The following MRPL47 variants were observed in gnomAD, a reference collection of about 807,000 sequenced individuals.
MRPL47 encodes large ribosomal subunit protein uL29m.
In MRPL47, 31 loss-of-function variants were observed where a neutral mutation model predicts 34.0. The observed-to-expected ratio is 0.91, with a 90% CI of 0.68 to 1.23. The LOEUF (loss-of-function observed/expected upper bound fraction) is 1.23, where lower values mean the gene tolerates loss of function less well. MRPL47 is among the 50% of genes most tolerant of loss of function. The pLI, the probability that MRPL47 is intolerant of heterozygous loss-of-function variation, is 0.00. For missense variants in MRPL47, 328 were observed against 285.8 expected, an observed-to-expected ratio of 1.15 and a Z score of -1.07; for synonymous variants, 106 against 101.6, an observed-to-expected ratio of 1.04 and a Z score of -0.26.
rs1426805545 is a variant in MRPL47, at chr3:179,601,313, TG to T, written c.305+416del. ...GTCCCAGATACTCAGGAGGCTGAGG[TG>T]GGGGATCACTTGAGCCCAGGAGGTC... is the stretch of plus-strand genomic sequence containing the variant. On this transcript the variant is annotated intron_variant, in intron 3 of 6. Coordinates refer to ENST00000476781, the MANE Select transcript of MRPL47 (RefSeq NM_020409.3). 3.3e-5 allele frequency among the ~76,000 whole-genome samples: 5 copies of T among 151,980 alleles called. No homozygotes were observed. In the East Asian group the frequency reaches 9.7e-4, roughly 29 times the overall value.
chr3:179,596,399 G>C (rs1560018939), intron 4 of MRPL47, among the ~76,000 whole-genome samples: 1 of 152,148 alleles, frequency 6.6e-6, no homozygotes. Context: ...GGAAACACCA[G>C]ATGTATATGA....
At chr3:179,598,516 A>G (rs1718848572) in intron 4 of MRPL47, among the ~76,000 whole-genome samples, 159 bp downstream of exon 4, 1 of 152,064 alleles carries the variant, frequency 6.6e-6, no homozygotes, top group South Asian at 2.1e-4. Flanking sequence ...GGCGATGGAA[A>G]TGTTTCCAAA....
At position 179,598,577 on chromosome 3, in the gene MRPL47, G is replaced by GA. The variant is rs139936789; in HGVS notation, c.402+97dup. On this transcript the variant is annotated intron_variant, in intron 4 of 6. Coordinates refer to ENST00000476781, the MANE Select transcript of MRPL47 (RefSeq NM_020409.3). ...AATTTACTAAAAATCAAACGAATAA[G>GA]AAAAAAAAATCTATTTGACAAGAAA... The GA allele has an allele frequency of 3.5e-3, 2,849 of 803,136 alleles. 8 individuals carry two copies. Among genetic ancestry groups the GA allele is most frequent in the Non-Finnish European group, 4.8e-3 (2,260 of 472,454 alleles). The allele number at this position is 803,136 out of a possible 1,614,324, so 49.8% of individuals were successfully genotyped here.
At chr3:179,598,869 C>A in intron 3 of MRPL47, 98 bp from the exon 4 acceptor site, 1 of 842,978 alleles carries the variant, frequency 1.2e-6, no homozygotes, top group South Asian at 1.4e-5. Flanking sequence ...ACTTGAAAGT[C>A]ACTTAGAGGC....
intron 4 of MRPL47, among the ~76,000 whole-genome samples, chr3:179,598,397 GAC>G (rs11455585): frequency 5.8e-4 from 60 of 102,884 alleles, no homozygotes; most frequent in Non-Finnish European, 6.3e-4. Context: ...CTGACACACT[GAC>G]ACACACACAC....
At chr3:179,599,078 A>G (rs1485894354) in intron 3 of MRPL47, among the ~76,000 whole-genome samples, 1 of 151,990 alleles carries the variant, frequency 6.6e-6, no homozygotes, top group African/African-American at 2.4e-5. Context: ...CTAAGGCAGG[A>G]GGATTGCTTG....
At chr3:179,600,107 C>T (rs1429002288) in intron 3 of MRPL47, among the ~76,000 whole-genome samples, 4 of 149,338 alleles carry the variant, frequency 2.7e-5, no homozygotes, top group Non-Finnish European at 5.9e-5. Flanking sequence ...GGCGACAAAG[C>T]GAGACTTTGT....
chr3:179,604,429 G>A, intron 1 of MRPL47, 98 bp downstream of exon 1: 4 of 1,218,288 alleles, frequency 3.3e-6, no homozygotes, highest in Non-Finnish European at 4.7e-6. Context: ...CCAGGCGGCC[G>A]TTCCATTCTT....
intron 4 of MRPL47, among the ~76,000 whole-genome samples, chr3:179,598,426 AAAC>A (rs1407912394): frequency 3.5e-5 from 5 of 142,332 alleles, no homozygotes; most frequent in Non-Finnish European, 7.5e-5. Flanking sequence ...ACACACACAC[AAAC>A]AAAAAAAAAA....
At chr3:179,603,478 T>C (rs1689307928) in intron 1 of MRPL47, among the ~76,000 whole-genome samples, 1 of 152,018 alleles carries the variant, frequency 6.6e-6, no homozygotes, top group South Asian at 2.1e-4. Context: ...GGCAGAGGTT[T>C]CAGTGAGCTG....
intron 3 of MRPL47, among the ~76,000 whole-genome samples, chr3:179,599,951 C>A (rs1718887791): frequency 6.6e-6 from 1 of 151,812 alleles, no homozygotes. Context: ...CATGGTGAAA[C>A]CCCGTCTCTA....
At chr3:179,599,422 C>T (rs1718875821) in intron 3 of MRPL47, among the ~76,000 whole-genome samples, 1 of 152,170 alleles carries the variant, frequency 6.6e-6, no homozygotes, top group Non-Finnish European at 1.5e-5. Context: ...ATGTGTTAAA[C>T]ATTTTATATA....
intron 6 of MRPL47, among the ~76,000 whole-genome samples, chr3:179,591,930 T>C (rs1718682763): frequency 6.6e-6 from 1 of 152,008 alleles, no homozygotes; most frequent in African/African-American, 2.4e-5. Flanking sequence ...CCTCCCAGGT[T>C]CCATCAATTC....
intron 6 of MRPL47, among the ~76,000 whole-genome samples, chr3:179,590,697 A>T (rs771878659): frequency 2.5e-4 from 32 of 128,076 alleles, no homozygotes; most frequent in Non-Finnish European, 4.4e-4. Context: ...TGATGTGATT[A>T]AAAAAAAAAA....
At chr3:179,591,419 G>C (rs1449373031) in intron 6 of MRPL47, among the ~76,000 whole-genome samples, 1 of 152,010 alleles carries the variant, frequency 6.6e-6, no homozygotes, top group African/African-American at 2.4e-5. Flanking sequence ...TCTCCTTTTG[G>C]ATATGGCCCA....
chr3:179,594,685 T>C (rs1162796846), intron 4 of MRPL47, among the ~76,000 whole-genome samples: 1 of 152,106 alleles, frequency 6.6e-6, no homozygotes, highest in Non-Finnish European at 1.5e-5. Flanking sequence ...GGTTTCACCA[T>C]GTTGGCCAGG....
At position 179,589,272 on chromosome 3, in the gene MRPL47, CAT is replaced by C. The variant is rs10576731; in HGVS notation, c.630-279_630-278del. Among the ~76,000 whole-genome samples the C allele has an allele frequency of 8.8e-3, 1,344 of 152,270 alleles. 26 individuals are homozygous for C. Among genetic ancestry groups the C allele is most frequent in the African/African-American group, 0.03 (1,262 of 41,544 alleles). ...CAAATTGGGCCTTAAGTTCAATCCT[CAT>C]ATGACTAAGCATCATCTCTTAGCAG... On this transcript the variant is annotated intron_variant, in intron 6 of 6. Transcript: ENST00000476781.
intron 2 of MRPL47, among the ~76,000 whole-genome samples, chr3:179,602,305 C>T (rs762118665): frequency 5.4e-4 from 82 of 152,290 alleles, no homozygotes; most frequent in Non-Finnish European, 8.8e-4. Context: ...GATTGTGCCA[C>T]TGCACCCCAG....
At chr3:179,600,399 G>A (rs927361696) in intron 3 of MRPL47, among the ~76,000 whole-genome samples, 1 of 151,930 alleles carries the variant, frequency 6.6e-6, no homozygotes, top group Non-Finnish European at 1.5e-5. Context: ...CCAGCACTTT[G>A]CGAGGCCAAG....
Sources: allele counts gnomAD v4.1 joint callset (sites outside exome capture counted in the v4.1 genomes callset), GRCh38; gene constraint gnomAD v4.1.1; transcripts MANE v1.5; gene names NCBI Gene and HGNC (gene_info 2026-07-23, HGNC 2026-07-21).